The following OR3A2 variants were observed in gnomAD, a reference collection of about 807,000 sequenced individuals.
OR3A2 encodes olfactory receptor family 3 subfamily A member 2, also known as olfactory receptor 3A2.
For missense variants in OR3A2, 318 were observed against 392.8 expected, an observed-to-expected ratio of 0.81 and a Z score of 1.61; for synonymous variants, 126 against 159.3, an observed-to-expected ratio of 0.79 and a Z score of 1.57.
At position 3,341,586 on chromosome 17, in the gene OR3A2, T is replaced by C. The variant is rs540487640; in HGVS notation, c.-178-5460A>G. Reference sequence around the variant, plus strand: ...TTCTTTTCTTTAAGAATGTTGAATATTGGCCCCCACTCTCTTCTGGCTTGT... The same window carrying C: ...TTCTTTTCTTTAAGAATGTTGAATACTGGCCCCCACTCTCTTCTGGCTTGT... On this transcript the variant is annotated intron_variant, in intron 2 of 4. Transcript: ENST00000573491. Among the ~76,000 whole-genome samples, 9 of 152,292 alleles carry C rather than the reference T, an allele frequency of 5.9e-5. No individual in the cohort carries two copies. The East Asian group carries it at 1.7e-3, about 29-fold the overall frequency.
chr17:3,279,424 T>C (rs933446410), intron 1 of OR3A2, among the ~76,000 whole-genome samples: 1 of 152,240 alleles, frequency 6.6e-6, no homozygotes. Context: ...AGTTTTCCTA[T>C]TGCTCTCTGA....
intron 2 of OR3A2, among the ~76,000 whole-genome samples, chr17:3,352,369 G>T (rs2049428172): frequency 6.6e-6 from 1 of 151,788 alleles, no homozygotes; most frequent in Admixed American, 6.6e-5. Flanking sequence ...TTTTGTTTTA[G>T]TAGTTTCATA....
intron 3 of OR3A2, among the ~76,000 whole-genome samples, chr17:3,335,452 T>C (rs1414459387): frequency 6.6e-6 from 1 of 152,194 alleles, no homozygotes. Context: ...CTCAACACTA[T>C]GTATTGAGTA....
intron 2 of OR3A2, among the ~76,000 whole-genome samples, chr17:3,337,412 C>A (rs2049281569): frequency 6.6e-6 from 1 of 152,128 alleles, no homozygotes; most frequent in Non-Finnish European, 1.5e-5. Context: ...CTCCTAATGT[C>A]ATCCCTCCCC....
intron 2 of OR3A2, among the ~76,000 whole-genome samples, chr17:3,338,561 T>A (rs1421330635): frequency 2.6e-5 from 4 of 152,224 alleles, no homozygotes; most frequent in Non-Finnish European, 5.9e-5. Context: ...TTGTCAGGTT[T>A]ATCAAAGATC....
At chr17:3,325,629 C>T (rs1391165584) in intron 3 of OR3A2, among the ~76,000 whole-genome samples, 3 of 151,966 alleles carry the variant, frequency 2.0e-5, no homozygotes, top group Non-Finnish European at 4.4e-5. Context: ...TGTTAGTATA[C>T]CACAATGTTT....
chr17:3,302,338 C>T (rs9911134), intron 3 of OR3A2, among the ~76,000 whole-genome samples: 25,240 of 152,030 alleles, frequency 0.17, 2,979 homozygotes, highest in African/African-American at 0.33. Context: ...ACCTGACTTC[C>T]AACTATACTA....
intron 3 of OR3A2, among the ~76,000 whole-genome samples, chr17:3,309,617 G>A (rs1391687585): frequency 6.6e-6 from 1 of 152,050 alleles, no homozygotes; most frequent in African/African-American, 2.4e-5. Flanking sequence ...ACTCTATACG[G>A]AGAAATGCAA....
At chr17:3,306,957 G>C (rs1204946683) in intron 3 of OR3A2, among the ~76,000 whole-genome samples, 5 of 152,172 alleles carry the variant, frequency 3.3e-5, no homozygotes, top group Admixed American at 6.5e-5. Flanking sequence ...TGGTTCAACT[G>C]GATTTACACA....
At chr17:3,305,558 T>C (rs1276052798) in intron 3 of OR3A2, among the ~76,000 whole-genome samples, 2 of 152,040 alleles carry the variant, frequency 1.3e-5, no homozygotes, top group Non-Finnish European at 2.9e-5. Context: ...AAATCAGAGA[T>C]GCAAATACTT....
exon 2 of OR3A2, chr17:3,278,056 G>A: frequency 6.2e-7 from 1 of 1,614,060 alleles, no homozygotes; most frequent in Non-Finnish European, 8.5e-7. Context: ...AGAGGGTTCA[G>A]CATAGGGTTG....
intron 2 of OR3A2, among the ~76,000 whole-genome samples, chr17:3,366,411 T>G (rs1036640048): frequency 2.0e-5 from 3 of 152,044 alleles, no homozygotes; most frequent in Non-Finnish European, 2.9e-5. Flanking sequence ...TAAAAAGAAA[T>G]CTCTCAAAGG....
At position 3,307,883 on chromosome 17, in the gene OR3A2, C is replaced by T. The variant is rs1208672249; in HGVS notation, c.-85+28150G>A. 2.6e-5 allele frequency among the ~76,000 whole-genome samples: 4 copies of T among 152,170 alleles called. No individual in the cohort carries two copies. In the East Asian group the frequency reaches 7.7e-4, roughly 29 times the overall value. ...CAGGTGAGAAAGTCACAAGTCACTG[C>T]TCCTCTCCTCTCCTGTCCCCACCCA... On this transcript the variant is annotated intron_variant, in intron 3 of 4. Transcript: ENST00000573491.
chr17:3,291,821 G>T lies in OR3A2; in HGVS notation c.-84-12668C>A, dbSNP rs149299349. The T allele has an allele frequency of 4.5e-4, 723 of 1,613,806 alleles. 9 individuals are homozygous for T. In the African/African-American group the frequency reaches 7.7e-3, roughly 17 times the overall value. ...TATAGTTAAAGATACCTGAACCATA[G>T]AATATGGCAACCACAGTGAGGTGGG... On this transcript the variant is annotated intron_variant, in intron 3 of 4. Transcript: ENST00000573491.
At chr17:3,325,109 A>T (rs1230609104) in intron 3 of OR3A2, among the ~76,000 whole-genome samples, 1 of 149,130 alleles carries the variant, frequency 6.7e-6, no homozygotes, top group Non-Finnish European at 1.5e-5. Flanking sequence ...CTTATGTTTT[A>T]TACTTTCATA....
At chr17:3,324,011 T>A (rs2049148566) in intron 3 of OR3A2, among the ~76,000 whole-genome samples, 1 of 152,150 alleles carries the variant, frequency 6.6e-6, no homozygotes, top group Non-Finnish European at 1.5e-5. Context: ...GACATAGATT[T>A]GGTCTTTTCA....
At chr17:3,301,921 A>G (rs551719312) in intron 3 of OR3A2, among the ~76,000 whole-genome samples, 1 of 152,144 alleles carries the variant, frequency 6.6e-6, no homozygotes, top group Non-Finnish European at 1.5e-5. Context: ...CCTATAACAG[A>G]CAAGCAGAGA....
At chr17:3,318,150 G>A (rs534416575) in intron 3 of OR3A2, among the ~76,000 whole-genome samples, 1 of 152,142 alleles carries the variant, frequency 6.6e-6, no homozygotes, top group Admixed American at 6.5e-5. Context: ...GTGCTTACAA[G>A]TTCCACAAAC....
intron 2 of OR3A2, among the ~76,000 whole-genome samples, chr17:3,359,118 T>C (rs2049488264): frequency 6.6e-6 from 1 of 151,752 alleles, no homozygotes; most frequent in African/African-American, 2.4e-5. Flanking sequence ...TCCTTTTTTC[T>C]ATTTGCTGGG....
Sources: allele counts gnomAD v4.1 joint callset (sites outside exome capture counted in the v4.1 genomes callset), GRCh38; gene constraint gnomAD v4.1.1; transcripts MANE v1.5; gene names NCBI Gene and HGNC (gene_info 2026-07-23, HGNC 2026-07-21).